Variants in SLC46A3 observed in about 807,000 individuals in gnomAD.
The protein encoded by SLC46A3 is solute carrier family 46 member 3.
A neutral mutation model predicts 38.5 loss-of-function variants in SLC46A3; 26 were observed. The ratio of observed to expected loss-of-function variants is 0.68; its 90% confidence interval spans 0.49 to 0.94. The LOEUF (loss-of-function observed/expected upper bound fraction) is 0.94. Ranked by LOEUF, SLC46A3 falls within the 40% of genes least tolerant of loss-of-function variation. SLC46A3 has a pLI of 0.00. For missense variants in SLC46A3, 510 were observed against 544.3 expected (o/e 0.94, Z 0.63); for synonymous variants, 185 against 192.5 (o/e 0.96, Z 0.32).
At chr13:28,708,778 T>C (rs984887410) in intron 4 of SLC46A3, among the ~76,000 whole-genome samples, 2 of 152,094 alleles carry the variant, frequency 1.3e-5, no homozygotes, top group Non-Finnish European at 2.9e-5. Flanking sequence ...CTTGATGTTG[T>C]CCTTTGAAAC....
At chr13:28,704,549 C>A (rs79868232) in intron 4 of SLC46A3, 1,646 of 153,296 alleles carry the variant, frequency 0.011, 25 homozygotes, top group African/African-American at 0.037. Flanking sequence ...ATGCTTCCTG[C>A]AAGAGCCTTT....
intron 2 of SLC46A3, among the ~76,000 whole-genome samples, chr13:28,715,852 T>A (rs967865004): frequency 6.7e-6 from 1 of 150,296 alleles, no homozygotes; most frequent in African/African-American, 2.5e-5. Context: ...ATTAAAAAAA[T>A]AAAATAAGAC....
intron 2 of SLC46A3, 97 bp downstream of exon 2, chr13:28,717,713 G>C (rs1276378729): frequency 7.1e-6 from 9 of 1,263,940 alleles, no homozygotes; most frequent in South Asian, 1.4e-5. Context: ...GGCCGCCCTA[G>C]AGAGACCAAT....
At position 28,713,677 on chromosome 13, in the gene SLC46A3, G is replaced by T. The variant is rs918956968; in HGVS notation, c.190-127C>A. The T allele has an allele frequency of 1.1e-5, 9 of 803,210 alleles. No individual in the cohort carries two copies. The African/African-American group carries it at 1.6e-4, about 14-fold the overall frequency. The allele number at this position is 803,210 out of a possible 1,614,324, so 49.8% of individuals were successfully genotyped here. On this transcript the variant is annotated intron_variant, in intron 2 of 5. Coordinates refer to ENST00000266943, the MANE Select transcript of SLC46A3 (RefSeq NM_181785.4). ...ATGGGTGGGGAATCTCTGGTGGATGGGCGGGACTAATAGAGCTTACATTTT... is the reference window on the plus strand; with the variant it reads ...ATGGGTGGGGAATCTCTGGTGGATGTGCGGGACTAATAGAGCTTACATTTT...
chr13:28,717,895 T>C lies in SLC46A3; in HGVS notation c.104A>G (p.Glu35Gly). The C allele has an allele frequency of 6.2e-7, 1 of 1,614,224 alleles. No homozygotes were observed. The highest frequency in any genetic ancestry group is 1.1e-5 in the South Asian group (1 of 91,082). The change falls in exon 2 of 6, where the codon GAA becomes GGA. Residue 35 changes from glutamate to glycine, a missense_variant. Transcript: ENST00000266943. ...AGATGAAAAAGTGTAGTTGCCAGTT[T>C]CTTCCCATATTCTCCGATAAACATA... ...TQYVYRRIWE[E>G]TGNYTFSSDS...
Position 28,700,995 on chromosome 13 carries a change from A to G in SLC46A3, c.*502T>C. ...CATTACCAAGTATAGGTAAAATCAT[A>G]CATATTTGAAACTTATATCATTATT... On this transcript the variant is annotated 3_prime_UTR_variant, in exon 6 of 6. Coordinates refer to ENST00000266943, the MANE Select transcript of SLC46A3 (RefSeq NM_181785.4). 6.6e-7 allele frequency: 1 copy of G among 1,524,958 alleles called. No homozygotes were observed. Among genetic ancestry groups the G allele is most frequent in the Non-Finnish European group, 8.8e-7 (1 of 1,132,776 alleles). The allele number at this position is 1,524,958 out of a possible 1,614,324, so 94.5% of individuals were successfully genotyped here. A position where few individuals can be genotyped will look rare whatever the true frequency, so the allele number is the denominator to read the frequency against.
At chr13:28,706,898 C>A (rs1019279255) in intron 4 of SLC46A3, among the ~76,000 whole-genome samples, 2 of 152,150 alleles carry the variant, frequency 1.3e-5, no homozygotes, top group African/African-American at 4.8e-5. Flanking sequence ...AGTTAGGAAA[C>A]AACAGGTGCT....
chr13:28,706,291 C>A lies in SLC46A3; in HGVS notation c.1145-2192G>T, dbSNP rs1003503116. Among the ~76,000 whole-genome samples the A allele has an allele frequency of 4.6e-5, 7 of 152,158 alleles. No homozygotes were observed. In the South Asian group the frequency reaches 1.4e-3, roughly 31 times the overall value. On this transcript the variant is annotated intron_variant, in intron 4 of 5. Transcript: ENST00000266943. ...TTTAAGATAATAGAAATAATGAGAG[C>A]CAACTGAAAACTTCGGCAGTATTTC...
In SLC46A3 at chr13:28,701,271, CT is replaced by C. The variant is rs1024350793; in HGVS notation, c.*225del. 4 of 1,399,998 alleles carry C rather than the reference CT, an allele frequency of 2.9e-6. No individual in the cohort carries two copies. In the African/African-American group the frequency reaches 5.8e-5, roughly 20 times the overall value. 86.7% of individuals were successfully genotyped at this position (1,399,998 alleles called of 1,614,324 possible). A position where few individuals can be genotyped will look rare whatever the true frequency, so the allele number is the denominator to read the frequency against. The stretch of plus-strand genomic sequence containing the variant: ...AAGTGAGGCGTATTTGAAATTTGTT[CT>C]GTGTATTGCAAGTATATTGCATGAT... On this transcript the variant is annotated 3_prime_UTR_variant, in exon 6 of 6. Coordinates refer to ENST00000266943, the MANE Select transcript of SLC46A3 (RefSeq NM_181785.4).
chr13:28,712,737 T>C lies in SLC46A3; in HGVS notation c.1003A>G (p.Thr335Ala). The C allele has an allele frequency of 6.2e-7, 1 of 1,609,310 alleles. No homozygotes were observed. The highest frequency in any genetic ancestry group is 8.5e-7 in the Non-Finnish European group (1 of 1,178,916). ...IHMAFIGIFTTMTGMAMTAFA... is the reference protein window; with the variant it reads ...IHMAFIGIFTAMTGMAMTAFA... ...GCGGTCATAGCCATTCCTGTCATCGTGGTAAAAATCCCAATGAAGGCCATA... is the reference window on the plus strand; with the variant it reads ...GCGGTCATAGCCATTCCTGTCATCGCGGTAAAAATCCCAATGAAGGCCATA... The change falls in exon 3 of 6, where the codon ACG becomes GCG. Residue 335 changes from threonine to alanine, a missense_variant. By Grantham distance (58) the Thr-to-Ala change is moderately conservative (BLOSUM62 0). Transcript: ENST00000266943.
In SLC46A3 at chr13:28,713,399, G is replaced by T. The variant is rs751555214; in HGVS notation, c.341C>A (p.Thr114Asn). Residue 114 changes from threonine to asparagine, a missense_variant, in exon 3 of 6, where the codon ACC becomes AAC. Coordinates refer to ENST00000266943, the MANE Select transcript of SLC46A3 (RefSeq NM_181785.4). ...GCAAAGCAAACAGAGCCAAACGCTG[G>T]TTGCAAGAGCACCAACGGAAGACAA... ...MILSSVGALA[T>N]SVWLCLLCYF... 3.1e-6 allele frequency: 5 copies of T among 1,613,958 alleles called. No individual in the cohort carries two copies. The African/African-American group carries it at 6.7e-5, about 22-fold the overall frequency.
intron 1 of SLC46A3, 110 bp from the exon 2 acceptor site, chr13:28,718,132 C>A: frequency 2.4e-6 from 2 of 824,608 alleles, no homozygotes; most frequent in East Asian, 5.3e-5. Context: ...AACAAGCAAA[C>A]TAGAGAACAG....
At chr13:28,716,927 C>T (rs1202788918) in intron 2 of SLC46A3, among the ~76,000 whole-genome samples, 2 of 151,370 alleles carry the variant, frequency 1.3e-5, no homozygotes, top group African/African-American at 2.4e-5. Flanking sequence ...TTTACAATCA[C>T]AAAATATCCC....
chr13:28,712,824 C>T lies in SLC46A3; in HGVS notation c.916G>A (p.Ala306Thr), dbSNP rs1381912721. 1 of 1,613,680 alleles carries T rather than the reference C, an allele frequency of 6.2e-7. No individual in the cohort carries two copies. Among genetic ancestry groups the T allele is most frequent in the Non-Finnish European group, 8.5e-7 (1 of 1,179,908 alleles). Residue 306 changes from alanine (A) to threonine (T), a missense_variant, in exon 3 of 6, where the codon GCC becomes ACC. By Grantham distance (58) the Ala-to-Thr change is moderately conservative. Transcript: ENST00000266943. ...FIGYGSALGS[A>T]SFLTSFLGIW... ...CCTAGGAAACTAGTCAAAAAAGAGG[C>T]ACTACCCAAAGCTGATCCATAACCT...
At chr13:28,711,614 C>T (rs1039113770) in intron 3 of SLC46A3, among the ~76,000 whole-genome samples, 1 of 152,072 alleles carries the variant, frequency 6.6e-6, no homozygotes, top group African/African-American at 2.4e-5. Context: ...ATCATCTTGC[C>T]TGTTCATCTT....
intron 4 of SLC46A3, 75 bp from the exon 5 acceptor site, chr13:28,704,174 G>A: frequency 7.4e-7 from 1 of 1,348,230 alleles, no homozygotes; most frequent in Non-Finnish European, 1.0e-6. Context: ...AACTAATGGA[G>A]ACAACTGTTA....
chr13:28,704,062 A>G lies in SLC46A3; in HGVS notation c.1182T>C (p.Leu394=). ...AAGTAGAAACTGCAGTGACTCCTCC[A>G]AGTGTTTCTAAGAAAGCAATACAAG... The part of the protein sequence containing the change: ...LFACIAFLET[L]GGVTAVSTFN... The change falls in exon 5 of 6, where the codon CTT becomes CTC. Residue 394 remains leucine (L), a synonymous_variant. Transcript: ENST00000266943. 1 of 1,613,718 alleles carries G rather than the reference A, an allele frequency of 6.2e-7. No homozygotes were observed. The highest frequency in any genetic ancestry group is 8.5e-7 in the Non-Finnish European group (1 of 1,179,804).
intron 2 of SLC46A3, among the ~76,000 whole-genome samples, chr13:28,716,337 C>T (rs2137842526): frequency 6.6e-6 from 1 of 152,144 alleles, no homozygotes; most frequent in East Asian, 1.9e-4. Context: ...TGTAGGACCC[C>T]AACTTTGAAA....
In SLC46A3 at chr13:28,701,001, T is replaced by A; in HGVS notation, c.*496A>T. On this transcript the variant is annotated 3_prime_UTR_variant, in exon 6 of 6. Coordinates refer to ENST00000266943, the MANE Select transcript of SLC46A3 (RefSeq NM_181785.4). ...CAAGTATAGGTAAAATCATACATAT[T>A]TGAAACTTATATCATTATTTTCCTA... 1.3e-6 allele frequency: 2 copies of A among 1,524,806 alleles called. No individual in the cohort carries two copies. The highest frequency in any genetic ancestry group is 1.8e-6 in the Non-Finnish European group (2 of 1,134,288). 94.5% of individuals were successfully genotyped at this position (1,524,806 alleles called of 1,614,324 possible).
Sources: allele counts gnomAD v4.1 joint callset (sites outside exome capture counted in the v4.1 genomes callset), GRCh38; gene constraint gnomAD v4.1.1; transcripts MANE v1.5; gene names NCBI Gene and HGNC (gene_info 2026-07-23, HGNC 2026-07-21).